The following CCDC7 variants were observed in gnomAD, a reference collection of about 807,000 sequenced individuals.
The protein encoded by CCDC7 is coiled-coil domain-containing protein 7.
Under a neutral mutation model 196.9 loss-of-function variants are expected in CCDC7, and 183 were observed. That is an observed-to-expected ratio of 0.93 (90% confidence interval 0.82 to 1.05). CCDC7 has a LOEUF of 1.05. Ranked by LOEUF, CCDC7 falls within the 50% of genes least tolerant of loss-of-function variation. CCDC7 has a pLI of 0.00. For missense variants in CCDC7, 1,540 were observed against 1,482.2 expected (o/e 1.04, Z -0.64); for synonymous variants, 525 against 484.6 (o/e 1.08, Z -1.10).
intron 27 of CCDC7, 61 bp downstream of exon 28, chr10:32,729,058 C>T (rs942159192): frequency 5.9e-6 from 7 of 1,186,900 alleles, no homozygotes; most frequent in Non-Finnish European, 6.0e-6. Context: ...CAGATCTTTT[C>T]CTTTGATTCG....
intron 8 of CCDC7, among the ~76,000 whole-genome samples, chr10:32,477,820 T>C (rs1435935770): frequency 2.6e-5 from 4 of 152,204 alleles, no homozygotes; most frequent in Admixed American, 2.0e-4. Flanking sequence ...TTGACTTCTC[T>C]GGGTCTATTA....
At chr10:32,724,226 A>G (rs1040779503) in intron 25 of CCDC7, among the ~76,000 whole-genome samples, 18 of 152,104 alleles carry the variant, frequency 1.2e-4, no homozygotes. Context: ...ACTCTTGCAA[A>G]GGATTCATTG....
At chr10:32,466,760 A>T (rs934292368) in intron 5 of CCDC7, among the ~76,000 whole-genome samples, 1 of 151,890 alleles carries the variant, frequency 6.6e-6, no homozygotes, top group Non-Finnish European at 1.5e-5. Context: ...TTATGATAGG[A>T]TGATTTATTT....
chr10:32,817,719 T>C (rs1365396998), intron 31 of CCDC7, among the ~76,000 whole-genome samples: 1 of 151,624 alleles, frequency 6.6e-6, no homozygotes, highest in African/African-American at 2.4e-5. Context: ...AACTCAGAAT[T>C]TCATATCCAG....
chr10:32,531,560 G>A (rs967354893), intron 11 of CCDC7, among the ~76,000 whole-genome samples: 11 of 152,228 alleles, frequency 7.2e-5, no homozygotes, highest in African/African-American at 2.6e-4. Flanking sequence ...TCAAGGTAAT[G>A]CTGGCCTTGT....
chr10:32,862,006 G>C (rs1403313925), intron 41 of CCDC7, among the ~76,000 whole-genome samples: 1 of 152,100 alleles, frequency 6.6e-6, no homozygotes, highest in African/African-American at 2.4e-5. Flanking sequence ...AAGACACTGT[G>C]GTGATTCCTC....
rs565514097 is a variant in CCDC7, at chr10:32,704,817, G to A, written c.2459-6803G>A. Among the ~76,000 whole-genome samples, 38 of 152,280 alleles carry A rather than the reference G, an allele frequency of 2.5e-4. 1 individual carries two copies. Among genetic ancestry groups the A allele is most frequent in the South Asian group, 4.1e-4 (2 of 4,826 alleles). On this transcript the variant is annotated intron_variant, in intron 24 of 41. Coordinates refer to ENST00000639629, the Ensembl canonical transcript of CCDC7. ...CAGTGTAGCACTCTCCGAGCCAGGC[G>A]CGGGATATATTCTCCTGGTGTGCCA...
chr10:32,551,999 T>G (rs2136330862), intron 13 of CCDC7, among the ~76,000 whole-genome samples: 1 of 152,352 alleles, frequency 6.6e-6, no homozygotes, highest in African/African-American at 2.4e-5. Context: ...AGTGGAGTAC[T>G]TAAGTCCTCC....
intron 2 of CCDC7, among the ~76,000 whole-genome samples, chr10:32,455,301 ATTTATTTAT>A (rs2034075090): frequency 7.7e-6 from 1 of 130,422 alleles, no homozygotes; most frequent in Non-Finnish European, 1.7e-5. Flanking sequence ...TTATTTATTT[ATTTATTTAT>A]TTTATTTTAT....
intron 32 of CCDC7, among the ~76,000 whole-genome samples, chr10:32,827,467 C>T (rs1325289455): frequency 6.6e-6 from 1 of 152,216 alleles, no homozygotes; most frequent in Non-Finnish European, 1.5e-5. Context: ...TCTGCCAAGA[C>T]TACCATCCGT....
intron 11 of CCDC7, among the ~76,000 whole-genome samples, chr10:32,527,502 C>G (rs140923220): frequency 2.2e-4 from 34 of 152,276 alleles, no homozygotes; most frequent in Admixed American, 6.5e-4. Flanking sequence ...TTGCCACCAC[C>G]ATTTTTGTCT....
At chr10:32,625,999 C>T (rs2063992496) in intron 18 of CCDC7, among the ~76,000 whole-genome samples, 2 of 152,072 alleles carry the variant, frequency 1.3e-5, no homozygotes, top group South Asian at 4.1e-4. Flanking sequence ...CATTACTTGG[C>T]TATCATGAAT....
At chr10:32,645,818 T>G (rs1230728250) in intron 20 of CCDC7, among the ~76,000 whole-genome samples, 1 of 152,098 alleles carries the variant, frequency 6.6e-6, no homozygotes, top group Non-Finnish European at 1.5e-5. Context: ...TTCCAATTTG[T>G]TGGCATATAG....
At chr10:32,683,300 T>C (rs940489460) in intron 21 of CCDC7, among the ~76,000 whole-genome samples, 13 of 152,170 alleles carry the variant, frequency 8.5e-5, no homozygotes, top group African/African-American at 3.1e-4. Flanking sequence ...ATCAGATGGT[T>C]GTAGGTGTGT....
intron 28 of CCDC7, among the ~76,000 whole-genome samples, chr10:32,748,293 A>G (rs2075129556): frequency 6.6e-6 from 1 of 152,140 alleles, no homozygotes; most frequent in Admixed American, 6.6e-5. Context: ...AATAATTTGT[A>G]CACCTAACTC....
intron 28 of CCDC7, among the ~76,000 whole-genome samples, chr10:32,729,946 G>A (rs570383934): frequency 6.6e-6 from 1 of 151,630 alleles, no homozygotes; most frequent in African/African-American, 2.4e-5. Context: ...TTGTGATTTT[G>A]CTATGTCTAT....
At chr10:32,685,889 G>C (rs1591583323) in intron 21 of CCDC7, 81 bp from the exon 23 acceptor site, 1 of 777,644 alleles carries the variant, frequency 1.3e-6, no homozygotes, top group East Asian at 2.9e-5. Flanking sequence ...TCATGTAAAT[G>C]TTTTATAAAT....
intron 28 of CCDC7, among the ~76,000 whole-genome samples, chr10:32,757,924 A>G (rs2076748613): frequency 6.6e-6 from 1 of 152,236 alleles, no homozygotes. Context: ...GGATATCACT[A>G]CCAATCCCAC....
At position 32,471,231 on chromosome 10, in the gene CCDC7, G is replaced by A. The variant is rs902252888; in HGVS notation, c.677+1G>A. Reference sequence around the variant, plus strand: ...TGAAAGTCATGTTGTCTAAAACTATGTAAGTGAAATATAAGAACTAATTGA... The same window carrying A: ...TGAAAGTCATGTTGTCTAAAACTATATAAGTGAAATATAAGAACTAATTGA... On this transcript the variant is annotated splice_donor_variant, in intron 6 of 41. Transcript: ENST00000639629. LOFTEE classifies it high-confidence loss of function. The A allele has an allele frequency of 1.2e-6, 2 of 1,603,348 alleles. No individual in the cohort carries two copies. Among genetic ancestry groups the A allele is most frequent in the African/African-American group, 2.7e-5 (2 of 74,222 alleles).
Sources: allele counts gnomAD v4.1 joint callset (sites outside exome capture counted in the v4.1 genomes callset), GRCh38; gene constraint gnomAD v4.1.1; transcripts MANE v1.5; gene names NCBI Gene and HGNC (gene_info 2026-07-23, HGNC 2026-07-21).